The following SCHIP1 variants were observed in gnomAD, a reference collection of about 807,000 sequenced individuals.
The protein encoded by SCHIP1 is schwannomin interacting protein 1, also known as schwannomin-interacting protein 1.
A neutral mutation model predicts 29.7 loss-of-function variants in SCHIP1; 8 were observed. The observed-to-expected ratio is 0.27, with a 90% confidence interval of 0.16 to 0.49. SCHIP1 has a LOEUF of 0.49. Among genes scored for constraint, SCHIP1 ranks in the 20% least tolerant of loss-of-function variants. SCHIP1 has a pLI of 0.99. For synonymous variants in SCHIP1, 76 were observed against 94.9 expected (o/e 0.80, Z 1.16); for missense variants, 193 against 294.6 (o/e 0.66, Z 2.52).
chr3:159,869,751 GGAATTTTGACTGTAATTGCATTGAT>G (rs912205346), intron 2 of SCHIP1, among the ~76,000 whole-genome samples: 1 of 151,588 alleles, frequency 6.6e-6, no homozygotes, highest in African/African-American at 2.4e-5. Flanking sequence ...ATACTCTCTT[GGAATTTTGACTGTAATTGCATTGAT>G]TCTATAGACC....
the SCHIP1 span, among the ~76,000 whole-genome samples, chr3:159,650,347 C>T: frequency 5.3e-5 from 8 of 152,252 alleles, no homozygotes; most frequent in South Asian, 4.1e-4. Flanking sequence ...CTGGCCTACA[C>T]ATTTTTTAGA....
the SCHIP1 span, among the ~76,000 whole-genome samples, chr3:159,793,508 T>G: frequency 5.6e-4 from 86 of 152,300 alleles, 1 homozygote; most frequent in East Asian, 9.7e-3. Context: ...GCCAGAAGTC[T>G]GAAATGGTCT....
the SCHIP1 span, among the ~76,000 whole-genome samples, chr3:159,740,860 A>G: frequency 6.6e-6 from 1 of 150,812 alleles, no homozygotes; most frequent in African/African-American, 2.4e-5. Flanking sequence ...GAACTAGGTC[A>G]CCTTCCTGGG....
the SCHIP1 span, among the ~76,000 whole-genome samples, chr3:159,584,657 G>C: frequency 6.6e-6 from 1 of 152,094 alleles, no homozygotes; most frequent in Admixed American, 6.6e-5. Flanking sequence ...CTATGTATTA[G>C]ATGAGAGGTT....
chr3:159,672,078 C>T, the SCHIP1 span, among the ~76,000 whole-genome samples: 7 of 152,226 alleles, frequency 4.6e-5, no homozygotes, highest in African/African-American at 1.7e-4. Flanking sequence ...AATCTGATAT[C>T]TCACAAGGAC....
chr3:159,520,840 A>G, the SCHIP1 span, among the ~76,000 whole-genome samples: 7 of 152,204 alleles, frequency 4.6e-5, no homozygotes, highest in African/African-American at 1.7e-4. Context: ...CATCATACAG[A>G]AGTGATTTCA....
chr3:159,557,637 G>A, the SCHIP1 span, among the ~76,000 whole-genome samples: 1 of 152,154 alleles, frequency 6.6e-6, no homozygotes, highest in South Asian at 2.1e-4. Flanking sequence ...GCAACATAGT[G>A]AGACACTATC....
chr3:159,664,379 C>T, the SCHIP1 span, among the ~76,000 whole-genome samples: 2 of 151,876 alleles, frequency 1.3e-5, no homozygotes, highest in Non-Finnish European at 2.9e-5. Flanking sequence ...TTTAAGATTA[C>T]GGATTTTTTT....
the SCHIP1 span, among the ~76,000 whole-genome samples, chr3:159,469,151 C>A: frequency 2.6e-5 from 4 of 152,048 alleles, no homozygotes; most frequent in Non-Finnish European, 1.5e-5. Context: ...TAGGACTTTG[C>A]AACCCCTGGG....
chr3:159,757,931 C>A, the SCHIP1 span, among the ~76,000 whole-genome samples: 1 of 152,194 alleles, frequency 6.6e-6, no homozygotes, highest in Non-Finnish European at 1.5e-5. Context: ...AAATGTTCCT[C>A]TTTGATAAGC....
the SCHIP1 span, among the ~76,000 whole-genome samples, chr3:159,832,563 C>T: frequency 6.6e-6 from 1 of 152,186 alleles, no homozygotes; most frequent in East Asian, 1.9e-4. Flanking sequence ...AGCTTCCACC[C>T]CTAACACACG....
the SCHIP1 span, among the ~76,000 whole-genome samples, chr3:159,423,291 T>A: frequency 6.6e-6 from 1 of 152,176 alleles, no homozygotes; most frequent in South Asian, 2.1e-4. Context: ...GTCAAGGAGT[T>A]CCCTTTCCTA....
At chr3:159,824,161 C>G in the SCHIP1 span, among the ~76,000 whole-genome samples, 1 of 152,150 alleles carries the variant, frequency 6.6e-6, no homozygotes, top group East Asian at 1.9e-4. Flanking sequence ...GTCATTAACC[C>G]TCATATTAAT....
the SCHIP1 span, among the ~76,000 whole-genome samples, chr3:159,696,321 A>G: frequency 6.4e-4 from 97 of 152,118 alleles, no homozygotes; most frequent in Middle Eastern, 0.014. Context: ...TCTCACATAC[A>G]CTGACTGTTT....
the SCHIP1 span, among the ~76,000 whole-genome samples, chr3:159,824,012 A>G: frequency 2.0e-5 from 3 of 152,210 alleles, no homozygotes; most frequent in Admixed American, 1.3e-4. Flanking sequence ...TTTGAAAGTA[A>G]TGGAAAACAC....
chr3:159,287,729 T>A, the SCHIP1 span, among the ~76,000 whole-genome samples: 3 of 152,136 alleles, frequency 2.0e-5, no homozygotes, highest in Non-Finnish European at 2.9e-5. Flanking sequence ...AGGTGAAGAA[T>A]CTGGGTCACA....
chr3:159,398,549 C>T, the SCHIP1 span, among the ~76,000 whole-genome samples: 2 of 152,170 alleles, frequency 1.3e-5, no homozygotes, highest in African/African-American at 2.4e-5. Context: ...GAAAGTAAGA[C>T]TGGATTCCGG....
rs113979397 is a variant in SCHIP1 at position 159,848,282 on chromosome 3, C to T, written c.30+8068C>T. On this transcript the variant is annotated intron_variant, in intron 1 of 6. Transcript: ENST00000445224. The stretch of plus-strand genomic sequence containing the variant: ...TGAGTAGGTTTTCTAAGGGAGAGCG[C>T]TAGTATCTGGGCCCATCTTATGCAT... Among the ~76,000 whole-genome samples the T allele has an allele frequency of 4.1e-3, 617 of 152,228 alleles. 3 individuals are homozygous for T. Among genetic ancestry groups the T allele is most frequent in the Non-Finnish European group, 7.6e-3 (515 of 68,008 alleles).
chr3:159,895,849 C>T (rs1373524546), intron 6 of SCHIP1, among the ~76,000 whole-genome samples: 1 of 152,200 alleles, frequency 6.6e-6, no homozygotes, highest in Non-Finnish European at 1.5e-5. Flanking sequence ...GCGCACACCA[C>T]CATGCCCAGC....
Sources: gnomAD v4.1 joint callset for allele counts (sites outside exome capture counted in the v4.1 genomes callset) on GRCh38, gnomAD v4.1.1 for gene constraint, MANE v1.5 for transcripts, NCBI Gene and HGNC (gene_info 2026-07-23, HGNC 2026-07-21) for gene names.